The following PKN2 variants were observed in gnomAD, a reference collection of about 807,000 sequenced individuals.
The protein encoded by PKN2 is protein kinase N2.
Under a neutral mutation model 119.1 loss-of-function variants are expected in PKN2, and 38 were observed. The observed-to-expected ratio is 0.32, with a 90% CI of 0.25 to 0.42. The LOEUF (loss-of-function observed/expected upper bound fraction) is 0.42, where lower values mean the gene tolerates loss of function less well. Among genes scored for constraint, PKN2 ranks in the 10% least tolerant of loss-of-function variants. The pLI is 1.00. For missense variants in PKN2, 850 were observed against 1,165.1 expected (o/e 0.73, Z 3.94); for synonymous variants, 390 against 384.9 (o/e 1.01, Z -0.15).
At chr1:88,708,738 A>T (rs575838959) in intron 1 of PKN2, among the ~76,000 whole-genome samples, 1 of 151,372 alleles carries the variant, frequency 6.6e-6, no homozygotes, top group East Asian at 1.9e-4. Context: ...CTGGCATTGC[A>T]GGCGTGAGCC....
At chr1:88,776,078 A>T (rs1390455737) in intron 6 of PKN2, among the ~76,000 whole-genome samples, 1 of 150,668 alleles carries the variant, frequency 6.6e-6, no homozygotes, top group Non-Finnish European at 1.5e-5. Flanking sequence ...ACTGCACTCC[A>T]GCCTGGGTGA....
chr1:88,789,662 C>CATAATAATAATAATAATA (rs10573546), intron 8 of PKN2, among the ~76,000 whole-genome samples: 123 of 146,478 alleles, frequency 8.4e-4, no homozygotes, highest in East Asian at 3.2e-3. Flanking sequence ...GACTCTATCT[C>CATAATAATAATAATAATA]ATAATAATAA....
At chr1:88,760,168 A>G (rs752128444) in intron 2 of PKN2, 54 bp from the exon 3 acceptor site, 1 of 1,032,984 alleles carries the variant, frequency 9.7e-7, no homozygotes, top group Non-Finnish European at 1.5e-6. Flanking sequence ...TTAACTTCCA[A>G]TTTTAAGCAG....
intron 11 of PKN2, 33 bp downstream of exon 11, chr1:88,805,704 C>T: frequency 6.2e-7 from 1 of 1,610,012 alleles, no homozygotes; most frequent in Non-Finnish European, 8.5e-7. Context: ...ATCTCTTATA[C>T]AAAGTTATTG....
chr1:88,699,650 C>T (rs1161430361), intron 1 of PKN2, among the ~76,000 whole-genome samples: 1 of 152,158 alleles, frequency 6.6e-6, no homozygotes, highest in African/African-American at 2.4e-5. Flanking sequence ...TCATTCAGCT[C>T]CCACTTAGAA....
At chr1:88,830,096 A>T (rs1413879818) in intron 19 of PKN2, among the ~76,000 whole-genome samples, 1 of 152,132 alleles carries the variant, frequency 6.6e-6, no homozygotes, top group Non-Finnish European at 1.5e-5. Context: ...CCATTTTCGG[A>T]GGTGTAAATA....
chr1:88,796,310 G>T (rs1241907828), intron 8 of PKN2, among the ~76,000 whole-genome samples: 1 of 151,992 alleles, frequency 6.6e-6, no homozygotes, highest in Non-Finnish European at 1.5e-5. Flanking sequence ...TTTCAGGTTA[G>T]GGATACTCAG....
chr1:88,757,383 C>T (rs1669248399), intron 2 of PKN2, among the ~76,000 whole-genome samples: 1 of 152,162 alleles, frequency 6.6e-6, no homozygotes, highest in African/African-American at 2.4e-5. Flanking sequence ...AGGCTGGTCT[C>T]AAACTCCTGG....
rs753074522 is a variant in PKN2 at position 88,813,689 on chromosome 1, A to C, written c.2235A>C (p.Leu745=). Reference sequence around the variant, plus strand: ...TGGAATATGCTGCCGGTGGGGACCTAATGATGCACATTCATACTGATGTCT... The same window carrying C: ...TGGAATATGCTGCCGGTGGGGACCTCATGATGCACATTCATACTGATGTCT... ...FVMEYAAGGD[L]MMHIHTDVFS... Residue 745 remains leucine, a synonymous_variant, in exon 16 of 22, where the codon CTA becomes CTC. Transcript: ENST00000370521. 6.2e-7 allele frequency: 1 copy of C among 1,607,272 alleles called. No individual in the cohort carries two copies. The highest frequency in any genetic ancestry group is 1.1e-5 in the South Asian group (1 of 89,744).
rs1173805917 is a variant in PKN2 at position 88,833,092 on chromosome 1, C to A, written c.2686C>A (p.Pro896Thr). Residue 896 changes from proline (P) to threonine (T), a missense_variant, in exon 21 of 22, where the codon CCT (proline) becomes ACT (threonine). Transcript: ENST00000370521. ...ATTATGCTAGCTGTTAAGAAGAAAT[C>A]CTGAACGGCGCCTTGGGGCTAGCGA... ...SIMRRLLRRN[P>T]ERRLGASEKD... 11 of 1,611,790 alleles carry A rather than the reference C, an allele frequency of 6.8e-6. No homozygotes were observed. The highest frequency in any genetic ancestry group is 7.6e-6 in the Non-Finnish European group (9 of 1,178,918).
chr1:88,729,048 C>T (rs1000162990), intron 1 of PKN2, among the ~76,000 whole-genome samples: 2 of 152,066 alleles, frequency 1.3e-5, no homozygotes, highest in South Asian at 4.1e-4. Context: ...GCATGTGCCA[C>T]CATGCCCGGC....
intron 2 of PKN2, among the ~76,000 whole-genome samples, chr1:88,758,891 G>T (rs896081973): frequency 2.6e-5 from 4 of 152,086 alleles, no homozygotes; most frequent in African/African-American, 9.7e-5. Flanking sequence ...ATATTGCTTT[G>T]GGTATATACC....
chr1:88,774,286 A>G (rs1307418481), intron 6 of PKN2, among the ~76,000 whole-genome samples: 2 of 152,212 alleles, frequency 1.3e-5, no homozygotes, highest in East Asian at 3.9e-4. Flanking sequence ...GGTGTGATTG[A>G]GTGAATCATT....
intron 8 of PKN2, among the ~76,000 whole-genome samples, chr1:88,788,770 A>G (rs1033105512): frequency 4.6e-5 from 7 of 152,102 alleles, no homozygotes; most frequent in South Asian, 2.1e-4. Context: ...AATGAAGTCT[A>G]CTTACTACCA....
chr1:88,754,500 A>G (rs747036317), intron 2 of PKN2, among the ~76,000 whole-genome samples: 5 of 152,212 alleles, frequency 3.3e-5, no homozygotes, highest in Non-Finnish European at 7.3e-5. Flanking sequence ...TGGTTAGGGA[A>G]GGTTTTCTGG....
intron 1 of PKN2, among the ~76,000 whole-genome samples, chr1:88,734,185 C>T (rs537371950): frequency 1.3e-5 from 2 of 151,450 alleles, no homozygotes; most frequent in Admixed American, 6.6e-5. Flanking sequence ...AAATTTGGAG[C>T]GTTTTAGAGT....
At chr1:88,724,883 T>TG (rs1491272866) in intron 1 of PKN2, among the ~76,000 whole-genome samples, 1 of 88,698 alleles carries the variant, frequency 1.1e-5, no homozygotes, top group Non-Finnish European at 2.1e-5. Flanking sequence ...CACCCCTTGG[T>TG]TTTTTTTTTT....
At chr1:88,750,076 G>C (rs1668927111) in intron 2 of PKN2, among the ~76,000 whole-genome samples, 2 of 152,166 alleles carry the variant, frequency 1.3e-5, no homozygotes, top group Non-Finnish European at 2.9e-5. Context: ...CTCATTTGTA[G>C]AATGAGAGGG....
chr1:88,760,767 G>A (rs1489360185), intron 3 of PKN2, among the ~76,000 whole-genome samples: 1 of 151,412 alleles, frequency 6.6e-6, no homozygotes, highest in Non-Finnish European at 1.5e-5. Context: ...TTGGAAACAT[G>A]TTTTTCTTTG....
Sources: allele counts gnomAD v4.1 joint callset (sites outside exome capture counted in the v4.1 genomes callset), GRCh38; gene constraint gnomAD v4.1.1; transcripts MANE v1.5; gene names NCBI Gene and HGNC (gene_info 2026-07-23, HGNC 2026-07-21).